MOG: variants seen among roughly 807,000 people sequenced by gnomAD.
MOG encodes the protein myelin-oligodendrocyte glycoprotein.
In MOG, 20 loss-of-function variants were observed where a neutral mutation model predicts 35.9. The observed-to-expected ratio is 0.56, with a 90% CI of 0.39 to 0.81. The LOEUF is 0.81. Ranked by LOEUF, MOG falls within the 30% of genes least tolerant of loss-of-function variation. The pLI is 0.00. For missense variants in MOG, 251 were observed against 301.0 expected (o/e 0.83, Z 1.23); for synonymous variants, 92 against 114.3 (o/e 0.80, Z 1.25).
At chr6:29,661,117 G>A (rs1400197137) in intron 2 of MOG, among the ~76,000 whole-genome samples, 1 of 152,210 alleles carries the variant, frequency 6.6e-6, no homozygotes, top group East Asian at 1.9e-4. Context: ...GATGGAGGGG[G>A]AGCTTTGAAA....
At chr6:29,660,840 C>A (rs547043825) in intron 2 of MOG, among the ~76,000 whole-genome samples, 13 of 151,428 alleles carry the variant, frequency 8.6e-5, no homozygotes, top group African/African-American at 2.7e-4. Context: ...TCCCGAGTAG[C>A]TGAGATTACA....
Position 29,671,867 on chromosome 6 carries a change from T to C in MOG, c.*682T>C, listed in dbSNP as rs9357083. On this transcript the variant is annotated 3_prime_UTR_variant, in exon 8 of 8. Transcript: ENST00000376917. The stretch of plus-strand genomic sequence containing the variant: ...CTTCTACTTACACATCTTCCACAGG[T>C]CTCAGAATCTTTCCTTCCTCTCATC... 399 of 225,662 alleles carry C rather than the reference T, an allele frequency of 1.8e-3. 6 individuals are homozygous for C. The highest frequency in any genetic ancestry group is 0.013 in the Admixed American group (258 of 19,772). The allele number at this position is 225,662 out of a possible 1,614,324, so 14.0% of individuals were successfully genotyped here.
rs979516346 is a variant in MOG at position 29,670,989 on chromosome 6, C to T, written c.731-183C>T. The T allele has an allele frequency of 6.2e-7, 1 of 1,612,008 alleles. No individual in the cohort carries two copies. Among genetic ancestry groups the T allele is most frequent in the Non-Finnish European group, 8.5e-7 (1 of 1,179,784 alleles). The stretch of plus-strand genomic sequence containing the variant: ...TCCTTCACTGCCCCTAAGCAGGAAT[C>T]CAACCCTAGCTGGTCTCATTGCCCA... On this transcript the variant is annotated intron_variant, in intron 7 of 7. Transcript: ENST00000376917. The surrounding 1 kb of genome is among the most constrained non-coding windows in gnomAD (Gnocchi z 4.2).
rs200284390 is a variant in MOG, at chr6:29,659,393, A to G, written c.163A>G (p.Ile55Val). Residue 55 changes from isoleucine (I) to valine (V), a missense_variant, in exon 2 of 8, where the codon ATA becomes GTA. By Grantham distance (29) the Ile-to-Val change is conservative (BLOSUM62 3). Coordinates refer to ENST00000376917, the MANE Select transcript of MOG (RefSeq NM_206809.4). ...GGATGAAGTGGAATTGCCATGTCGC[A>G]TATCTCCTGGGAAGAACGCTACAGG... ...VGDEVELPCR[I>V]SPGKNATGME... is the part of the protein sequence containing the mutation. 1.6e-4 allele frequency: 265 copies of G among 1,612,992 alleles called. No individual in the cohort carries two copies. Among genetic ancestry groups the G allele is most frequent in the Middle Eastern group, 4.9e-4 (3 of 6,062 alleles).
chr6:29,667,176 T>C (rs1038728843), intron 3 of MOG, among the ~76,000 whole-genome samples: 3 of 152,154 alleles, frequency 2.0e-5, no homozygotes, highest in Non-Finnish European at 4.4e-5. Flanking sequence ...GTCTGTCAAA[T>C]AGAGAAAACA....
rs186584633 is a variant in MOG at position 29,665,347 on chromosome 6, C to T, written c.437-805C>T. 5.7e-3 allele frequency among the ~76,000 whole-genome samples: 859 copies of T among 151,554 alleles called. 8 individuals are homozygous for T. The highest frequency in any genetic ancestry group is 8.1e-3 in the Non-Finnish European group (546 of 67,812). The stretch of plus-strand genomic sequence containing the variant: ...CCAACCTCAGGCGATCCGCCCGCCT[C>T]GGCCTCCCAAAGTGCTGGGATTACA... On this transcript the variant is annotated intron_variant, in intron 2 of 7. Transcript: ENST00000376917.
At chr6:29,661,829 A>G (rs1163052299) in intron 2 of MOG, 1 of 984,752 alleles carries the variant, frequency 1.0e-6, no homozygotes, top group African/African-American at 1.8e-5. Context: ...AAAAAAAAAA[A>G]AAAAAAAAAC....
intron 3 of MOG, among the ~76,000 whole-genome samples, chr6:29,666,613 C>T (rs1459786354): frequency 1.3e-5 from 2 of 152,158 alleles, no homozygotes; most frequent in South Asian, 2.1e-4. Flanking sequence ...CTAGCAGCTC[C>T]ATGCAACTTG....
At chr6:29,665,731 A>G (rs1358406786) in intron 2 of MOG, among the ~76,000 whole-genome samples, 1 of 150,550 alleles carries the variant, frequency 6.6e-6, no homozygotes, top group Non-Finnish European at 1.5e-5. Context: ...CTTGAACTAC[A>G]TATTTGAAAT....
rs1467032592 is a variant in MOG, at chr6:29,670,578, T to C, written c.710-123T>C. 2 of 1,570,418 alleles carry C rather than the reference T, an allele frequency of 1.3e-6. No individual in the cohort carries two copies. Among genetic ancestry groups the C allele is most frequent in the Non-Finnish European group, 8.7e-7 (1 of 1,153,360 alleles). ...AGAAACTGTGAAGAGAACCACTTAC[T>C]GGATCTGTGGGATCCCCCAGTGGAA... On this transcript the variant is annotated intron_variant, in intron 6 of 7. Coordinates refer to ENST00000376917, the MANE Select transcript of MOG (RefSeq NM_206809.4). This position sits in a 1 kb window ranked among gnomAD's most constrained non-coding sequence, Gnocchi z 4.2.
chr6:29,661,987 G>A (rs1042370222), intron 2 of MOG: 25 of 985,272 alleles, frequency 2.5e-5, no homozygotes, highest in South Asian at 9.4e-5. Context: ...GGGACGCTTT[G>A]TCTAGGCTTT....
Position 29,670,791 on chromosome 6 carries a change from G to T in MOG, c.730+70G>T. On this transcript the variant is annotated intron_variant, in intron 7 of 7. Coordinates refer to ENST00000376917, the MANE Select transcript of MOG (RefSeq NM_206809.4). The surrounding 1 kb of genome is among the most constrained non-coding windows in gnomAD (Gnocchi z 4.2). ...GAAAGGGAGACAGAAGCAACAAGAG[G>T]AAGAGGCGGGCTATTGAGGGATCAC... 1 of 1,597,786 alleles carries T rather than the reference G, an allele frequency of 6.3e-7. No individual in the cohort carries two copies. The highest frequency in any genetic ancestry group is 2.2e-5 in the East Asian group (1 of 44,626).
At chr6:29,657,425 T>C in intron 1 of MOG, 128 bp downstream of exon 1, 1 of 755,074 alleles carries the variant, frequency 1.3e-6, no homozygotes, top group Non-Finnish European at 2.3e-6. Context: ...CCTACTGACA[T>C]GCCTCCCTTC....
Position 29,666,250 on chromosome 6 carries a change from C to A in MOG, c.535C>A (p.Gln179Lys). ...ITVGLIFLCLQYRLRGKLRAE... is the reference protein window; with the variant it reads ...ITVGLIFLCLKYRLRGKLRAE... ...TGTTGGCCTCATCTTCCTCTGCCTG[C>A]AGTACAGACTGAGAGGTACAGGGCA... Residue 179 changes from glutamine to lysine, a missense_variant, in exon 3 of 8, where the codon CAG becomes AAG. Physicochemically the swap from Gln to Lys is moderately conservative, Grantham distance 53. Coordinates refer to ENST00000376917, the MANE Select transcript of MOG (RefSeq NM_206809.4). 1 of 1,603,424 alleles carries A rather than the reference C, an allele frequency of 6.2e-7. No homozygotes were observed. The highest frequency in any genetic ancestry group is 8.5e-7 in the Non-Finnish European group (1 of 1,171,260).
Position 29,670,389 on chromosome 6 carries a change from G to A in MOG, c.701G>A (p.Arg234Lys), listed in dbSNP as rs141132629. 6.2e-6 allele frequency: 10 copies of A among 1,613,992 alleles called. No homozygotes were observed. Among genetic ancestry groups the A allele is most frequent in the African/African-American group, 1.3e-5 (1 of 74,922 alleles). ...LIICYNWLHR[R>K]LAGQFLEELR... ...ATCTGCTACAACTGGCTACATCGAA[G>A]ACTAGCAGGTGCAGTGGCTGGGCAG... The change falls in exon 6 of 8, where the codon AGA (arginine) becomes AAA (lysine). Residue 234 changes from arginine to lysine, a missense_variant. Transcript: ENST00000376917. The surrounding 1 kb of genome is among the most constrained non-coding windows in gnomAD (Gnocchi z 4.2).
intron 1 of MOG, among the ~76,000 whole-genome samples, chr6:29,657,761 A>G (rs2262263): frequency 0.27 from 39,660 of 147,152 alleles, 5,762 homozygotes; most frequent in Admixed American, 0.37. Flanking sequence ...CGCCCGCCTC[A>G]GCTTCCCAAA....
At chr6:29,661,549 G>C in intron 2 of MOG, 2 of 985,204 alleles carry the variant, frequency 2.0e-6, no homozygotes, top group Non-Finnish European at 2.4e-6. Flanking sequence ...AGCCGGTTGC[G>C]GTGGCTCACA....
rs1345740442 is a variant in MOG, at chr6:29,670,391, C to T, written c.703C>T (p.Leu235=). ...IICYNWLHRR[L]AGQFLEELRN... is the part of the protein sequence containing the mutation. ...CTGCTACAACTGGCTACATCGAAGACTAGCAGGTGCAGTGGCTGGGCAGCA... is the reference window on the plus strand; with the variant it reads ...CTGCTACAACTGGCTACATCGAAGATTAGCAGGTGCAGTGGCTGGGCAGCA... Residue 235 remains leucine (L), a synonymous_variant, in exon 6 of 8, where the codon CTA becomes TTA. Coordinates refer to ENST00000376917, the MANE Select transcript of MOG (RefSeq NM_206809.4). This position sits in a 1 kb window ranked among gnomAD's most constrained non-coding sequence, Gnocchi z 4.2. 6.2e-7 allele frequency: 1 copy of T among 1,613,914 alleles called. No individual in the cohort carries two copies. The highest frequency in any genetic ancestry group is 8.5e-7 in the Non-Finnish European group (1 of 1,179,964).
chr6:29,667,505 G>A, intron 3 of MOG, 138 bp from the exon 4 acceptor site: 1 of 803,746 alleles, frequency 1.2e-6, no homozygotes, highest in Non-Finnish European at 2.2e-6. Context: ...TAAATCCAGT[G>A]CTCTTCCTAC....
Sources: allele counts gnomAD v4.1 joint callset (sites outside exome capture counted in the v4.1 genomes callset), GRCh38; gene constraint gnomAD v4.1.1; non-coding constraint Gnocchi (gnomAD v3.1); transcripts MANE v1.5; gene names NCBI Gene and HGNC (gene_info 2026-07-23, HGNC 2026-07-21).